The following TBC1D19 variants were observed in gnomAD, a reference collection of about 807,000 sequenced individuals.
TBC1D19 encodes the protein TBC1 domain family member 19.
In TBC1D19, 60 loss-of-function variants were observed where a neutral mutation model predicts 89.0. The observed-to-expected ratio is 0.67, with a 90% CI of 0.55 to 0.84. TBC1D19 has a LOEUF of 0.84. TBC1D19 is among the 40% of genes least tolerant of loss of function. The pLI, the probability that TBC1D19 is intolerant of heterozygous loss-of-function variation, is 0.00. For synonymous variants in TBC1D19, 189 were observed against 199.7 expected (o/e 0.95, Z 0.45); for missense variants, 500 against 610.8 (o/e 0.82, Z 1.91).
intron 11 of TBC1D19, among the ~76,000 whole-genome samples, chr4:26,681,394 A>C (rs1490846609): frequency 5.3e-5 from 8 of 151,942 alleles, no homozygotes; most frequent in East Asian, 1.9e-4. Context: ...AAAAAACAAA[A>C]AAAAAAATCA....
At chr4:26,619,580 A>G (rs1248988225) in intron 3 of TBC1D19, among the ~76,000 whole-genome samples, 1 of 152,222 alleles carries the variant, frequency 6.6e-6, no homozygotes, top group Non-Finnish European at 1.5e-5. Context: ...TATATTGGAC[A>G]ATGTGAGATA....
At chr4:26,685,542 TAAAG>T (rs1032000035) in intron 12 of TBC1D19, among the ~76,000 whole-genome samples, 5 of 152,192 alleles carry the variant, frequency 3.3e-5, no homozygotes, top group African/African-American at 2.4e-5. Flanking sequence ...GAAATTGAGA[TAAAG>T]AAAGAAATTT....
chr4:26,780,335 C>T, the TBC1D19 span, among the ~76,000 whole-genome samples: 1 of 152,192 alleles, frequency 6.6e-6, no homozygotes, highest in Admixed American at 6.5e-5. Context: ...GTCGTCAGAA[C>T]ATAACCTTTT....
chr4:26,744,649 A>T (rs1339856981), intron 18 of TBC1D19, among the ~76,000 whole-genome samples: 7 of 152,116 alleles, frequency 4.6e-5, no homozygotes, highest in Admixed American at 2.6e-4. Context: ...GTTATGTAAA[A>T]GTACGTTGTT....
In TBC1D19 at chr4:26,729,014, CA is replaced by C. The variant is rs74614443; in HGVS notation, c.1085-6434del. 1.5e-3 allele frequency among the ~76,000 whole-genome samples: 222 copies of C among 151,504 alleles called. 5 individuals carry two copies. The East Asian group carries it at 0.038, about 26-fold the overall frequency. On this transcript the variant is annotated intron_variant, in intron 15 of 20. Coordinates refer to ENST00000264866, the MANE Select transcript of TBC1D19 (RefSeq NM_018317.4). ...TCGGCGACAGAGCGAGACTCCGTCT[CA>C]AAAAAAGAAAAAAAGAAAAGAGTCT...
At chr4:26,761,407 A>C in the TBC1D19 span, among the ~76,000 whole-genome samples, 1 of 152,308 alleles carries the variant, frequency 6.6e-6, no homozygotes, top group East Asian at 1.9e-4. Flanking sequence ...TTCAATGTAC[A>C]GTTCTTGCAC....
intron 19 of TBC1D19, among the ~76,000 whole-genome samples, chr4:26,752,852 G>A (rs1719048143): frequency 6.6e-6 from 1 of 152,068 alleles, no homozygotes; most frequent in Non-Finnish European, 1.5e-5. Context: ...TAAGAGACGG[G>A]TTTTTGCCAT....
intron 5 of TBC1D19, among the ~76,000 whole-genome samples, chr4:26,637,794 C>A (rs2110073392): frequency 6.6e-6 from 1 of 152,214 alleles, no homozygotes; most frequent in Middle Eastern, 3.4e-3. Flanking sequence ...TTATAACAAA[C>A]CTGTATCTTT....
At chr4:26,664,029 T>C (rs1267818108) in intron 8 of TBC1D19, among the ~76,000 whole-genome samples, 1 of 152,232 alleles carries the variant, frequency 6.6e-6, no homozygotes, top group Non-Finnish European at 1.5e-5. Flanking sequence ...CAATATTTAT[T>C]GAACCCTTTT....
chr4:26,699,985 A>C (rs1577954979), intron 13 of TBC1D19, among the ~76,000 whole-genome samples: 1 of 152,098 alleles, frequency 6.6e-6, no homozygotes, highest in Admixed American at 6.6e-5. Context: ...CATGTTGTGC[A>C]CATGTACCCT....
At chr4:26,773,726 T>G in the TBC1D19 span, among the ~76,000 whole-genome samples, 1 of 152,208 alleles carries the variant, frequency 6.6e-6, no homozygotes, top group East Asian at 1.9e-4. Flanking sequence ...TAGGGAATCT[T>G]TTCCCCATTC....
chr4:26,857,663 A>T, the TBC1D19 span: 2 of 152,050 alleles, frequency 1.3e-5, no homozygotes, highest in South Asian at 2.1e-4. Context: ...CACCTGGGGG[A>T]AGCCGGCAGG....
At chr4:26,585,279 T>C (rs750350366) in intron 1 of TBC1D19, 2 of 391,312 alleles carry the variant, frequency 5.1e-6, no homozygotes, top group African/African-American at 2.1e-5. Context: ...AGAGTTCCAA[T>C]TGTTTTGCGT....
intron 4 of TBC1D19, among the ~76,000 whole-genome samples, chr4:26,624,517 G>C (rs540586908): frequency 9.9e-4 from 151 of 152,064 alleles, no homozygotes; most frequent in Admixed American, 2.8e-3. Context: ...GCCTATTATA[G>C]TAATTTCTGT....
At chr4:26,827,185 G>A in the TBC1D19 span, among the ~76,000 whole-genome samples, 1 of 152,178 alleles carries the variant, frequency 6.6e-6, no homozygotes, top group African/African-American at 2.4e-5. Flanking sequence ...ACAGTAAGTG[G>A]CAAATGCTTA....
At chr4:26,812,081 A>G in the TBC1D19 span, among the ~76,000 whole-genome samples, 7 of 152,114 alleles carry the variant, frequency 4.6e-5, no homozygotes, top group African/African-American at 1.2e-4. This position sits in a 1 kb window ranked among gnomAD's most constrained non-coding sequence, Gnocchi z 4.2. Context: ...CTGAGCACAA[A>G]TGTCCTGAGG....
chr4:26,714,452 T>C (rs190963977), intron 13 of TBC1D19, among the ~76,000 whole-genome samples: 361 of 152,114 alleles, frequency 2.4e-3, no homozygotes, highest in Non-Finnish European at 4.0e-3. Context: ...CAATTATCCA[T>C]CCTCCTTTTA....
the TBC1D19 span, among the ~76,000 whole-genome samples, chr4:26,809,471 TC>T: frequency 1.3e-5 from 2 of 152,078 alleles, no homozygotes; most frequent in African/African-American, 4.8e-5. Flanking sequence ...TTTCCCTTTT[TC>T]CCTCAACTTC....
chr4:26,846,419 T>C, the TBC1D19 span, among the ~76,000 whole-genome samples: 1 of 152,206 alleles, frequency 6.6e-6, no homozygotes, highest in South Asian at 2.1e-4. Context: ...GGAATGTTTG[T>C]TTACATTTTT....
Sources: gnomAD v4.1 joint callset for allele counts (sites outside exome capture counted in the v4.1 genomes callset) on GRCh38, gnomAD v4.1.1 for gene constraint, Gnocchi (gnomAD v3.1) non-coding constraint, MANE v1.5 for transcripts, NCBI Gene and HGNC (gene_info 2026-07-23, HGNC 2026-07-21) for gene names.